The following F13A1 variants were observed in gnomAD, a reference collection of about 807,000 sequenced individuals.
F13A1 encodes the protein FSF, A subunit.
Under a neutral mutation model 80.1 loss-of-function variants are expected in F13A1, and 47 were observed. The observed-to-expected ratio is 0.59, with a 90% CI of 0.46 to 0.75. The LOEUF (loss-of-function observed/expected upper bound fraction) is 0.75, where lower values mean the gene tolerates loss of function less well. Ranked by LOEUF, F13A1 falls within the 30% of genes least tolerant of loss-of-function variation. F13A1 has a pLI of 0.00. For missense variants in F13A1, 817 were observed against 930.4 expected (o/e 0.88, Z 1.59); for synonymous variants, 349 against 344.9 (o/e 1.01, Z -0.13).
At chr6:6,304,658 G>A (rs1490610284) in intron 3 of F13A1, among the ~76,000 whole-genome samples, 2 of 151,890 alleles carry the variant, frequency 1.3e-5, no homozygotes, top group East Asian at 3.9e-4. Flanking sequence ...GGTTAGGAGT[G>A]CGAAACCAGC....
chr6:6,210,043 T>C (rs1000225025), intron 8 of F13A1, among the ~76,000 whole-genome samples: 2 of 150,756 alleles, frequency 1.3e-5, no homozygotes, highest in Admixed American at 1.3e-4. Context: ...CTGGGCAACA[T>C]AGTGAGATCT....
intron 8 of F13A1, among the ~76,000 whole-genome samples, chr6:6,203,247 T>C (rs1030741816): frequency 3.3e-5 from 5 of 152,242 alleles, no homozygotes; most frequent in African/African-American, 1.2e-4. Flanking sequence ...ACCTTTTGCA[T>C]AATTTTGTAT....
At chr6:6,300,103 T>G (rs1253156310) in intron 3 of F13A1, among the ~76,000 whole-genome samples, 62 of 144,872 alleles carry the variant, frequency 4.3e-4, no homozygotes, top group South Asian at 2.3e-3. Context: ...GCAGTCTGCC[T>G]GTTCTCAGAT....
At chr6:6,296,066 C>A (rs1474541038) in intron 3 of F13A1, among the ~76,000 whole-genome samples, 3 of 147,068 alleles carry the variant, frequency 2.0e-5, no homozygotes, top group African/African-American at 8.0e-5. Context: ...AGATATGTGG[C>A]ATTATTTCTG....
chr6:6,306,931 G>A lies in F13A1; in HGVS notation c.131-1392C>T, dbSNP rs1029882192. Among the ~76,000 whole-genome samples, 3 of 152,232 alleles carry A rather than the reference G, an allele frequency of 2.0e-5. No individual in the cohort carries two copies. In the East Asian group the frequency reaches 5.8e-4, roughly 29 times the overall value. On this transcript the variant is annotated intron_variant, in intron 2 of 14. Transcript: ENST00000264870. ...AAAACCAAGAAGTTGGGCTCTTTAA[G>A]ATCCTCTTCGGTCCTAAAGTCCAGG...
At chr6:6,192,547 G>T (rs774788444) in intron 10 of F13A1, among the ~76,000 whole-genome samples, 3 of 152,264 alleles carry the variant, frequency 2.0e-5, no homozygotes, top group Middle Eastern at 6.8e-3. Flanking sequence ...TAAATGACTG[G>T]ATTATTTTAT....
intron 8 of F13A1, among the ~76,000 whole-genome samples, chr6:6,220,541 C>CTGTG (rs10648589): frequency 5.3e-5 from 8 of 150,518 alleles, no homozygotes; most frequent in African/African-American, 2.0e-4. Flanking sequence ...GCTACAAAGG[C>CTGTG]TGTGTGTGTG....
chr6:6,312,025 C>CTT (rs1758609570), intron 2 of F13A1, among the ~76,000 whole-genome samples: 6 of 147,086 alleles, frequency 4.1e-5, no homozygotes, highest in African/African-American at 1.5e-4. Flanking sequence ...TATAAGCAAA[C>CTT]TTTTTATATA....
Position 6,319,107 on chromosome 6 carries a change from G to A in F13A1, c.-18-425C>T, listed in dbSNP as rs1399939781. ...TTATAAGTCACTTTTAAGAATAAACGCACACAACCATGTCCAGACAAATGT... is the reference window on the plus strand; with the variant it reads ...TTATAAGTCACTTTTAAGAATAAACACACACAACCATGTCCAGACAAATGT... On this transcript the variant is annotated intron_variant, in intron 1 of 14. Coordinates refer to ENST00000264870, the MANE Select transcript of F13A1 (RefSeq NM_000129.4). 7.2e-5 allele frequency among the ~76,000 whole-genome samples: 11 copies of A among 152,212 alleles called. No homozygotes were observed. In the East Asian group the frequency reaches 1.2e-3, roughly 16 times the overall value.
At position 6,167,492 on chromosome 6, in the gene F13A1, G is replaced by C. The variant is rs1333644897; in HGVS notation, c.1874C>G (p.Ser625Cys). The C allele has an allele frequency of 6.2e-7, 1 of 1,613,964 alleles. No individual in the cohort carries two copies. The highest frequency in any genetic ancestry group is 1.3e-5 in the African/African-American group (1 of 74,882). ...GATCTCAGGGATGGTTAGCACGGTG[G>C]ACTTTTGCTTGGCCAGAACATCCCT... ...ETRDVLAKQK[S>C]TVLTIPEIII... is the part of the protein sequence containing the mutation. Residue 625 changes from serine to cysteine, a missense_variant, in exon 13 of 15, where the codon TCC becomes TGC. Transcript: ENST00000264870.
chr6:6,278,916 C>A (rs925449416), intron 3 of F13A1, among the ~76,000 whole-genome samples: 1 of 152,162 alleles, frequency 6.6e-6, no homozygotes, highest in Non-Finnish European at 1.5e-5. Flanking sequence ...GTGAAGACTG[C>A]AGGAGAGCAA....
intron 3 of F13A1, among the ~76,000 whole-genome samples, chr6:6,280,526 C>G (rs1011905525): frequency 6.6e-6 from 1 of 152,016 alleles, no homozygotes; most frequent in African/African-American, 2.4e-5. Context: ...AAGTTGATTA[C>G]CGCTTATATT....
chr6:6,312,037 A>G (rs1021685140), intron 2 of F13A1, among the ~76,000 whole-genome samples: 1 of 148,406 alleles, frequency 6.7e-6, no homozygotes, highest in Non-Finnish European at 1.5e-5. Flanking sequence ...TTTTATATAT[A>G]TATAAAGTTA....
chr6:6,189,515 T>C (rs1583062817), intron 10 of F13A1, among the ~76,000 whole-genome samples: 1 of 143,668 alleles, frequency 7.0e-6, no homozygotes, highest in South Asian at 2.6e-4. Context: ...AATTCTGGGT[T>C]GAAAATTCTT....
At chr6:6,310,374 CTACT>C (rs1340251724) in intron 2 of F13A1, among the ~76,000 whole-genome samples, 1 of 152,198 alleles carries the variant, frequency 6.6e-6, no homozygotes, top group Non-Finnish European at 1.5e-5. Flanking sequence ...AAATGCTTCA[CTACT>C]TACTTATTGT....
chr6:6,220,262 G>T (rs894895251), intron 8 of F13A1, among the ~76,000 whole-genome samples: 1 of 152,178 alleles, frequency 6.6e-6, no homozygotes, highest in Non-Finnish European at 1.5e-5. Context: ...GTGGGTGAGG[G>T]TCCCAGGCCA....
At chr6:6,300,980 T>C (rs1417657216) in intron 3 of F13A1, among the ~76,000 whole-genome samples, 1 of 152,224 alleles carries the variant, frequency 6.6e-6, no homozygotes, top group East Asian at 1.9e-4. Context: ...TTATATTCTT[T>C]TTCGTTTTTA....
At chr6:6,214,016 C>A (rs12181947) in intron 8 of F13A1, among the ~76,000 whole-genome samples, 4,524 of 123,208 alleles carry the variant, frequency 0.037, 1 homozygote, top group East Asian at 0.25. Flanking sequence ...CAGGAGCACC[C>A]AGATTCATAA....
intron 6 of F13A1, 77 bp downstream of exon 6, chr6:6,248,235 G>T: frequency 8.9e-7 from 1 of 1,126,640 alleles, no homozygotes. Flanking sequence ...CATTTCAGCA[G>T]CTCTTAATGA....
Sources: allele counts gnomAD v4.1 joint callset (sites outside exome capture counted in the v4.1 genomes callset), GRCh38; gene constraint gnomAD v4.1.1; transcripts MANE v1.5; gene names NCBI Gene and HGNC (gene_info 2026-07-23, HGNC 2026-07-21).